The following TNR variants were observed in gnomAD, a reference collection of about 807,000 sequenced individuals.
TNR encodes tenascin-R.
In TNR, 45 loss-of-function variants were observed where a neutral mutation model predicts 150.4. The observed-to-expected ratio is 0.30, with a 90% CI of 0.24 to 0.38. The LOEUF (loss-of-function observed/expected upper bound fraction) is 0.38, where lower values mean the gene tolerates loss of function less well. Ranked by LOEUF, TNR falls within the 10% of genes least tolerant of loss-of-function variation. The pLI, the probability that TNR is intolerant of heterozygous loss-of-function variation, is 1.00. For missense variants in TNR, 1,544 were observed against 1,759.1 expected (o/e 0.88, Z 2.19); for synonymous variants, 687 against 678.4 (o/e 1.01, Z -0.20).
chr1:175,340,721 C>T (rs1283154406), intron 18 of TNR, among the ~76,000 whole-genome samples: 1 of 152,218 alleles, frequency 6.6e-6, no homozygotes, highest in Non-Finnish European at 1.5e-5. Flanking sequence ...TTGTCTGGCA[C>T]ATTTTCCTCT....
chr1:175,479,857 G>A (rs1447745639), intron 2 of TNR, among the ~76,000 whole-genome samples: 1 of 152,038 alleles, frequency 6.6e-6, no homozygotes, highest in South Asian at 2.1e-4. Flanking sequence ...AAGCTAATGA[G>A]GCATGCTAAT....
chr1:175,534,417 C>T (rs1198239476), intron 1 of TNR, among the ~76,000 whole-genome samples: 1 of 152,218 alleles, frequency 6.6e-6, no homozygotes, highest in Admixed American at 6.5e-5. Flanking sequence ...TATCCACACA[C>T]AGGTGTGTGT....
chr1:175,523,018 G>A (rs1403858575), intron 2 of TNR, among the ~76,000 whole-genome samples: 2 of 152,120 alleles, frequency 1.3e-5, no homozygotes, highest in Non-Finnish European at 2.9e-5. Context: ...TTGACCTTCG[G>A]GACTCTGCAC....
rs1649065519 is a variant in TNR, at chr1:175,321,766, T to A, written c.*1591A>T. 6.6e-6 allele frequency: 1 copy of A among 152,248 alleles called. No homozygotes were observed. The highest frequency in any genetic ancestry group is 1.5e-5 in the Non-Finnish European group (1 of 68,052). The allele number at this position is 152,248 out of a possible 1,614,324, so 9.4% of individuals were successfully genotyped here. A position where few individuals can be genotyped will look rare whatever the true frequency, so the allele number is the denominator to read the frequency against. Reference sequence around the variant, plus strand: ...TTTGGATTTCTGGATGTAATTTCCTTTGGCTATTGTCATTTTTCCTTTGCA... The same window carrying A: ...TTTGGATTTCTGGATGTAATTTCCTATGGCTATTGTCATTTTTCCTTTGCA... On this transcript the variant is annotated 3_prime_UTR_variant, in exon 23 of 23. Transcript: ENST00000367674.
At chr1:175,420,890 T>G (rs577337495) in intron 2 of TNR, among the ~76,000 whole-genome samples, 1 of 152,336 alleles carries the variant, frequency 6.6e-6, no homozygotes, top group Admixed American at 6.5e-5. Flanking sequence ...TAGTTTGGTT[T>G]TCTCATAGGG....
At chr1:175,645,036 T>C (rs1664769951) in intron 1 of TNR, among the ~76,000 whole-genome samples, 1 of 152,216 alleles carries the variant, frequency 6.6e-6, no homozygotes, top group Non-Finnish European at 1.5e-5. Context: ...CAAGTATTTA[T>C]TGAGTGCTAA....
At chr1:175,541,460 G>A (rs1421115685) in intron 1 of TNR, among the ~76,000 whole-genome samples, 1 of 152,184 alleles carries the variant, frequency 6.6e-6, no homozygotes, top group Non-Finnish European at 1.5e-5. Context: ...TTAAGTAATG[G>A]CAGGCAAGTA....
chr1:175,558,274 AT>A (rs568763596), intron 1 of TNR, among the ~76,000 whole-genome samples: 5,165 of 150,298 alleles, frequency 0.034, 105 homozygotes, highest in South Asian at 0.077. Flanking sequence ...AAGTATAATA[AT>A]AAAAAAAAAA....
chr1:175,511,797 T>C (rs1461908281), intron 2 of TNR, among the ~76,000 whole-genome samples: 1 of 152,194 alleles, frequency 6.6e-6, no homozygotes, highest in Non-Finnish European at 1.5e-5. Context: ...CGTAGTGAGG[T>C]GATCACGGAC....
chr1:175,587,418 T>C (rs780671003), intron 1 of TNR, among the ~76,000 whole-genome samples: 2 of 152,352 alleles, frequency 1.3e-5, no homozygotes, highest in African/African-American at 2.4e-5. Context: ...TTCTCTTTTA[T>C]AAAACTGAGG....
intron 11 of TNR, 144 bp downstream of exon 11, chr1:175,365,731 T>C (rs1318209231): frequency 8.2e-7 from 1 of 1,220,886 alleles, no homozygotes; most frequent in Non-Finnish European, 1.1e-6. Flanking sequence ...GATGCACTTA[T>C]TAGTTTTTAC....
chr1:175,461,653 A>C (rs974718316), intron 2 of TNR, among the ~76,000 whole-genome samples: 15 of 152,124 alleles, frequency 9.9e-5, no homozygotes, highest in African/African-American at 3.4e-4. Flanking sequence ...TTACTTCTTC[A>C]TATTTTCAGG....
intron 1 of TNR, among the ~76,000 whole-genome samples, chr1:175,707,589 C>T (rs1321207630): frequency 5.3e-5 from 8 of 152,198 alleles, no homozygotes; most frequent in African/African-American, 1.9e-4. Context: ...CATCCTCCAC[C>T]AACCCCATTT....
At chr1:175,705,199 G>A (rs1413395803) in intron 1 of TNR, among the ~76,000 whole-genome samples, 1 of 152,138 alleles carries the variant, frequency 6.6e-6, no homozygotes, top group Non-Finnish European at 1.5e-5. Context: ...CTCAGAGATA[G>A]AAAGACTTTT....
At chr1:175,616,930 C>G (rs191962689) in intron 1 of TNR, among the ~76,000 whole-genome samples, 4 of 152,190 alleles carry the variant, frequency 2.6e-5, no homozygotes, top group Non-Finnish European at 5.9e-5. Context: ...TTCGAAGATG[C>G]CTTCCAGCTT....
At chr1:175,692,077 A>G (rs866536055) in intron 1 of TNR, among the ~76,000 whole-genome samples, 1 of 152,238 alleles carries the variant, frequency 6.6e-6, no homozygotes, top group Non-Finnish European at 1.5e-5. Flanking sequence ...TTCACAGTCA[A>G]AATGCTATTA....
rs558930550 is a variant in TNR at position 175,699,676 on chromosome 1, G to C, written c.-165+43550C>G. Among the ~76,000 whole-genome samples, 139 of 152,280 alleles carry C rather than the reference G, an allele frequency of 9.1e-4. 6 individuals are homozygous for C. The South Asian group carries it at 0.028, about 30-fold the overall frequency. ...TTGGAGTGGGGATACAGAGGAGTAAGCTGGGTAGACGGAAGGTGGTGGTGG... is the reference window on the plus strand; with the variant it reads ...TTGGAGTGGGGATACAGAGGAGTAACCTGGGTAGACGGAAGGTGGTGGTGG... On this transcript the variant is annotated intron_variant, in intron 1 of 22. Coordinates refer to ENST00000367674, the MANE Select transcript of TNR (RefSeq NM_003285.3).
At position 175,556,278 on chromosome 1, in the gene TNR, T is replaced by A. The variant is rs141501547; in HGVS notation, c.-164-27909A>T. 1.2e-3 allele frequency among the ~76,000 whole-genome samples: 176 copies of A among 152,278 alleles called. 1 individual carries two copies. In the East Asian group the frequency reaches 0.027, roughly 23 times the overall value. On this transcript the variant is annotated intron_variant, in intron 1 of 22. Transcript: ENST00000367674. ...AAACACCAAGCTCAACACACCCACA[T>A]CAGTTAGTAGGCAGTTTTAGCCACA...
At chr1:175,349,625 A>G (rs6670016) in intron 18 of TNR, among the ~76,000 whole-genome samples, 8,041 of 152,300 alleles carry the variant, frequency 0.053, 693 homozygotes, top group African/African-American at 0.18. Context: ...CTGCCTATGG[A>G]AGGTGGAAGA....
Sources: gnomAD v4.1 joint callset for allele counts (sites outside exome capture counted in the v4.1 genomes callset) on GRCh38, gnomAD v4.1.1 for gene constraint, MANE v1.5 for transcripts, NCBI Gene and HGNC (gene_info 2026-07-23, HGNC 2026-07-21) for gene names.